NMU: variants seen among roughly 807,000 people sequenced by gnomAD.
NMU encodes neuromedin-U.
NMU carries 29 observed loss-of-function variants against 35.4 expected under a neutral mutation model. That is an observed-to-expected ratio of 0.82 (90% CI 0.61 to 1.12). NMU has a LOEUF of 1.12. Among genes scored for constraint, NMU ranks in the 50% most tolerant of loss-of-function variants. NMU has a pLI of 0.00. For missense variants in NMU, 199 were observed against 206.2 expected, an observed-to-expected ratio of 0.97 and a Z score of 0.21; for synonymous variants, 78 against 81.3, an observed-to-expected ratio of 0.96 and a Z score of 0.22.
rs779150428 is a variant in NMU at position 55,605,368 on chromosome 4, A to T, written c.361-19T>A. ...CTGACGACTGAGAGGACATGAACAC[A>T]CACGTGAATAAGTGCATGGCTTCTC... On this transcript the variant is annotated intron_variant, in intron 6 of 9. Coordinates refer to ENST00000264218, the MANE Select transcript of NMU (RefSeq NM_006681.4). The T allele has an allele frequency of 6.3e-7, 1 of 1,585,364 alleles. No homozygotes were observed. Among genetic ancestry groups the T allele is most frequent in the South Asian group, 1.1e-5 (1 of 90,500 alleles).
At chr4:55,631,083 A>G (rs147141240) in intron 1 of NMU, among the ~76,000 whole-genome samples, 1 of 152,314 alleles carries the variant, frequency 6.6e-6, no homozygotes, top group East Asian at 1.9e-4. Flanking sequence ...TGGAGAAAGG[A>G]CACCCTATTC....
At chr4:55,619,945 G>A (rs938077522) in intron 2 of NMU, among the ~76,000 whole-genome samples, 2 of 144,688 alleles carry the variant, frequency 1.4e-5, no homozygotes, top group Non-Finnish European at 3.0e-5. Flanking sequence ...CAGACCTGCA[G>A]CTGAGGGCCC....
chr4:55,618,217 T>G (rs1339593360), intron 2 of NMU, among the ~76,000 whole-genome samples: 5 of 152,170 alleles, frequency 3.3e-5, no homozygotes, highest in Admixed American at 3.3e-4. Flanking sequence ...TTATTTTAAT[T>G]TTACTTTAAG....
intron 8 of NMU, among the ~76,000 whole-genome samples, chr4:55,600,315 A>T (rs568558351): frequency 2.0e-5 from 3 of 152,276 alleles, no homozygotes; most frequent in South Asian, 4.1e-4. Flanking sequence ...AAACATGAGC[A>T]ATAGGTCAAA....
At chr4:55,607,902 G>A (rs1437541591) in intron 4 of NMU, among the ~76,000 whole-genome samples, 1 of 152,192 alleles carries the variant, frequency 6.6e-6, no homozygotes, top group Non-Finnish European at 1.5e-5. Context: ...CGGGCGCGGT[G>A]GCTTGCGCCT....
chr4:55,618,721 C>CTCTG (rs1553910946), intron 2 of NMU, among the ~76,000 whole-genome samples: 30 of 144,006 alleles, frequency 2.1e-4, no homozygotes, highest in Middle Eastern at 6.9e-3. Context: ...TCTTTCTTCT[C>CTCTG]TCTTTCTTCT....
chr4:55,603,708 C>G (rs973792940), intron 7 of NMU, among the ~76,000 whole-genome samples: 1 of 151,162 alleles, frequency 6.6e-6, no homozygotes, highest in African/African-American at 2.4e-5. Context: ...GTCAGGAGAT[C>G]GAGACCATCC....
At chr4:55,616,277 G>A in intron 3 of NMU, 61 bp downstream of exon 3, 1 of 1,171,390 alleles carries the variant, frequency 8.5e-7, no homozygotes, top group African/African-American at 1.5e-5. Flanking sequence ...AGGCAGCAAT[G>A]GAGAGTTTAA....
At chr4:55,632,135 T>C (rs547175134) in intron 1 of NMU, among the ~76,000 whole-genome samples, 1 of 152,116 alleles carries the variant, frequency 6.6e-6, no homozygotes, top group African/African-American at 2.4e-5. Flanking sequence ...AGTAATGTAA[T>C]GGACTTTGGG....
At chr4:55,630,930 T>A (rs560899014) in intron 1 of NMU, among the ~76,000 whole-genome samples, 1 of 152,216 alleles carries the variant, frequency 6.6e-6, no homozygotes, top group African/African-American at 2.4e-5. Flanking sequence ...CTTCAAATTA[T>A]ACTATAAGCC....
Position 55,595,733 on chromosome 4 carries a change from C to T in NMU, c.*5-322G>A, listed in dbSNP as rs771065734. ...TTGGCTCACTGCAACCTCCACCTCC[C>T]GGGATCAAGCAATTCTCCTGCCTCA... On this transcript the variant is annotated intron_variant, in intron 9 of 9. Coordinates refer to ENST00000264218, the MANE Select transcript of NMU (RefSeq NM_006681.4). Among the ~76,000 whole-genome samples the T allele has an allele frequency of 1.0e-4, 15 of 150,402 alleles. No homozygotes were observed. The East Asian group carries it at 2.0e-3, about 20-fold the overall frequency.
At chr4:55,636,314 C>T (rs1003004641), upstream of NMU, 22 of 1,328,390 alleles carry the variant, frequency 1.7e-5, 1 homozygote, top group African/African-American at 2.5e-4. The surrounding 1 kb of genome is among the most constrained non-coding windows in gnomAD (Gnocchi z 4.0). Flanking sequence ...CCCGGCGAGC[C>T]GCCAACTTTT....
At chr4:55,612,543 T>C (rs1046894782) in intron 3 of NMU, among the ~76,000 whole-genome samples, 11 of 152,180 alleles carry the variant, frequency 7.2e-5, no homozygotes, top group African/African-American at 2.2e-4. Context: ...GATTTCAAAA[T>C]AGAAAATACA....
intron 4 of NMU, among the ~76,000 whole-genome samples, chr4:55,608,917 A>G (rs1272619155): frequency 2.0e-5 from 3 of 152,288 alleles, no homozygotes; most frequent in Admixed American, 6.5e-5. Context: ...TGATTTCCCA[A>G]TTAGATTACT....
rs1452508893 is a variant in NMU, at chr4:55,610,458, G to A, written c.220-1279C>T. Among the ~76,000 whole-genome samples the A allele has an allele frequency of 2.1e-5, 3 of 143,820 alleles. No individual in the cohort carries two copies. In the Admixed American group the frequency reaches 2.1e-4, roughly 10 times the overall value. The allele number at this position is 143,820 out of a possible 152,430, so 94.4% of individuals were successfully genotyped here. A position where few individuals can be genotyped will look rare whatever the true frequency, so the allele number is the denominator to read the frequency against. On this transcript the variant is annotated intron_variant, in intron 3 of 9. Transcript: ENST00000264218. The stretch of plus-strand genomic sequence containing the variant: ...AGCCTGGGTGATGGAGTGAGACTCT[G>A]TCTCAGAAAAAAAAAAAAAAGAAAG...
At chr4:55,619,000 G>T (rs28862633) in intron 2 of NMU, among the ~76,000 whole-genome samples, 3,867 of 151,352 alleles carry the variant, frequency 0.026, 161 homozygotes, top group African/African-American at 0.09. Context: ...CTCCTGAGTA[G>T]CTGGGACCAC....
intron 6 of NMU, among the ~76,000 whole-genome samples, chr4:55,606,969 T>C (rs561502490): frequency 5.9e-5 from 9 of 152,252 alleles, no homozygotes; most frequent in East Asian, 5.8e-4. Flanking sequence ...TGAGCCACCA[T>C]ACCTGGCCAG....
intron 3 of NMU, among the ~76,000 whole-genome samples, chr4:55,615,721 G>C (rs1032301889): frequency 1.3e-5 from 2 of 152,082 alleles, no homozygotes; most frequent in Non-Finnish European, 2.9e-5. Flanking sequence ...CTGTTATACA[G>C]ATTATTTCAT....
Position 55,631,390 on chromosome 4 carries a change from C to A in NMU, c.113-930G>T, listed in dbSNP as rs6823777. On this transcript the variant is annotated intron_variant, in intron 1 of 9. Coordinates refer to ENST00000264218, the MANE Select transcript of NMU (RefSeq NM_006681.4). The stretch of plus-strand genomic sequence containing the variant: ...ATAATTAGCAGAGTAAACAGACAAC[C>A]CACAGAGTAGGAGAAAATATTTGCA... 4.0e-3 allele frequency among the ~76,000 whole-genome samples: 613 copies of A among 151,988 alleles called. 4 individuals are homozygous for A. The highest frequency in any genetic ancestry group is 0.014 in the African/African-American group (573 of 41,438).
Sources: gnomAD v4.1 joint callset for allele counts (sites outside exome capture counted in the v4.1 genomes callset) on GRCh38, gnomAD v4.1.1 for gene constraint, Gnocchi (gnomAD v3.1) non-coding constraint, MANE v1.5 for transcripts, NCBI Gene and HGNC (gene_info 2026-07-23, HGNC 2026-07-21) for gene names.